Variants in CSMD2 observed in about 807,000 individuals in gnomAD.
The protein encoded by CSMD2 is CUB and sushi domain-containing protein 2.
In CSMD2, 130 loss-of-function variants were observed where a neutral mutation model predicts 398.5. That is an observed-to-expected ratio of 0.33 (90% CI 0.28 to 0.38). The LOEUF is 0.38. Ranked by LOEUF, CSMD2 falls within the 10% of genes least tolerant of loss-of-function variation. The pLI, the probability that CSMD2 is intolerant of heterozygous loss-of-function variation, is 1.00. For missense variants in CSMD2, 3,829 were observed against 4,764.9 expected, an observed-to-expected ratio of 0.80 and a Z score of 5.78; for synonymous variants, 1,828 against 1,908.5, an observed-to-expected ratio of 0.96 and a Z score of 1.10.
At position 34,004,908 on chromosome 1, in the gene CSMD2, T is replaced by C. The variant is rs558039228; in HGVS notation, c.517+27686A>G. Among the ~76,000 whole-genome samples the C allele has an allele frequency of 8.7e-4, 132 of 152,296 alleles. 1 individual carries two copies. Among genetic ancestry groups the C allele is most frequent in the African/African-American group, 3.0e-3 (123 of 41,552 alleles). ...CTTGCCAATCCTCACTCGCTCTCCT[T>C]CTTCCTCAGCAATTACCTCTTCTCA... On this transcript the variant is annotated intron_variant, in intron 3 of 70. Transcript: ENST00000373381.
intron 6 of CSMD2, among the ~76,000 whole-genome samples, chr1:33,830,063 C>T (rs933863185): frequency 9.9e-5 from 15 of 152,208 alleles, no homozygotes; most frequent in Admixed American, 4.6e-4. Context: ...CCTCTGTAGG[C>T]TCCACCTCTG....
intron 1 of CSMD2, among the ~76,000 whole-genome samples, chr1:34,110,449 C>T (rs1660961966): frequency 6.6e-6 from 1 of 151,998 alleles, no homozygotes; most frequent in South Asian, 2.1e-4. Context: ...ACCTAAATGT[C>T]CATCGATAGT....
chr1:34,104,359 T>G (rs778810130), intron 1 of CSMD2, among the ~76,000 whole-genome samples: 5 of 152,226 alleles, frequency 3.3e-5, no homozygotes, highest in Admixed American at 6.5e-5. Flanking sequence ...CTACAAATAA[T>G]GATAATTTTA....
intron 6 of CSMD2, among the ~76,000 whole-genome samples, chr1:33,833,224 T>A (rs2125042632): frequency 9.0e-6 from 1 of 110,536 alleles, no homozygotes; most frequent in East Asian, 2.9e-4. Context: ...ACCAATATCC[T>A]TGATGAACAT....
chr1:33,858,570 C>A (rs1010075821), intron 5 of CSMD2, among the ~76,000 whole-genome samples: 5 of 152,316 alleles, frequency 3.3e-5, no homozygotes, highest in South Asian at 2.1e-4. Flanking sequence ...AAAGTATGAT[C>A]ATCATTTTTA....
intron 56 of CSMD2, among the ~76,000 whole-genome samples, chr1:33,549,543 G>A (rs1657231005): frequency 6.6e-6 from 1 of 152,260 alleles, no homozygotes; most frequent in South Asian, 2.1e-4. Context: ...ACCTTTGGCA[G>A]TTCTCTACAT....
intron 12 of CSMD2, among the ~76,000 whole-genome samples, chr1:33,787,352 G>A (rs1425667358): frequency 6.6e-6 from 1 of 152,204 alleles, no homozygotes; most frequent in African/African-American, 2.4e-5. Context: ...CCTGGAGCAG[G>A]AGGAACCTAT....
At chr1:33,634,655 C>T (rs1642687174) in intron 31 of CSMD2, among the ~76,000 whole-genome samples, 1 of 152,144 alleles carries the variant, frequency 6.6e-6, no homozygotes, top group African/African-American at 2.4e-5. Context: ...TTTTTCTGCC[C>T]ACATCTCTTG....
chr1:33,519,354 T>TA lies in CSMD2; in HGVS notation c.*53+110dup. The TA allele has an allele frequency of 1.5e-6, 1 of 645,632 alleles. No homozygotes were observed. The allele number at this position is 645,632 out of a possible 1,614,324, so 40.0% of individuals were successfully genotyped here. Reference sequence around the variant, plus strand: ...GATGCTCAATGCACAGCTCTCCTCTTACTGGGTGTGTCTATGTGGTGTGTG... The same window carrying TA: ...GATGCTCAATGCACAGCTCTCCTCTTAACTGGGTGTGTCTATGTGGTGTGTG... On this transcript the variant is annotated intron_variant, in intron 70 of 70. Transcript: ENST00000373381. The surrounding 1 kb of genome is among the most constrained non-coding windows in gnomAD (Gnocchi z 5.6).
At chr1:34,008,296 G>A (rs1322475200) in intron 3 of CSMD2, among the ~76,000 whole-genome samples, 1 of 152,168 alleles carries the variant, frequency 6.6e-6, no homozygotes, top group Non-Finnish European at 1.5e-5. Flanking sequence ...AAGAAATGAA[G>A]GTCCTGAAAG....
intron 29 of CSMD2, among the ~76,000 whole-genome samples, chr1:33,639,530 C>T (rs1642992961): frequency 6.6e-6 from 1 of 152,152 alleles, no homozygotes; most frequent in Non-Finnish European, 1.5e-5. Flanking sequence ...TATTTCTTTC[C>T]AGTAGGTTCT....
chr1:33,519,687 A>G lies in CSMD2; in HGVS notation c.10737-10T>C. ...AACTTTGGGTCTTCTCCTGGCGATA[A>G]AAGAGGAAGTGCCCACGGCATGAAA... On this transcript the variant is annotated splice_polypyrimidine_tract_variant and intron_variant, in intron 69 of 70. Transcript: ENST00000373381. This position sits in a 1 kb window ranked among gnomAD's most constrained non-coding sequence, Gnocchi z 5.6. The G allele has an allele frequency of 6.2e-7, 1 of 1,613,710 alleles. No homozygotes were observed. Among genetic ancestry groups the G allele is most frequent in the Non-Finnish European group, 8.5e-7 (1 of 1,179,930 alleles).
At chr1:33,919,161 T>C (rs1199376155) in intron 4 of CSMD2, among the ~76,000 whole-genome samples, 1 of 152,126 alleles carries the variant, frequency 6.6e-6, no homozygotes, top group African/African-American at 2.4e-5. Flanking sequence ...AGAGGACTTA[T>C]TTGAGAGATA....
At chr1:34,062,685 C>A (rs1405815088) in intron 2 of CSMD2, among the ~76,000 whole-genome samples, 1 of 152,218 alleles carries the variant, frequency 6.6e-6, no homozygotes, top group Non-Finnish European at 1.5e-5. Context: ...CTGAACCTGG[C>A]TCTTCTTTGG....
At position 33,935,320 on chromosome 1, in the gene CSMD2, A is replaced by G. The variant is rs78147962; in HGVS notation, c.712+440T>C. ...GATTTTGAGCATATTTGGAGGCTGA[A>G]AGGAAGAAACTATTAGATAGGGAGA... On this transcript the variant is annotated intron_variant, in intron 4 of 70. Transcript: ENST00000373381. Among the ~76,000 whole-genome samples, 192 of 152,252 alleles carry G rather than the reference A, an allele frequency of 1.3e-3. 3 individuals are homozygous for G. Among genetic ancestry groups the G allele is most frequent in the African/African-American group, 4.0e-3 (168 of 41,538 alleles).
chr1:34,119,391 A>C (rs1202925397), intron 1 of CSMD2, among the ~76,000 whole-genome samples: 2 of 152,258 alleles, frequency 1.3e-5, no homozygotes, highest in East Asian at 1.9e-4. Flanking sequence ...CAACACAAGC[A>C]CAGGCAACAA....
chr1:34,129,012 CA>C (rs369864613), intron 1 of CSMD2, among the ~76,000 whole-genome samples: 2,001 of 36,812 alleles, frequency 0.054, 39 homozygotes, highest in African/African-American at 0.093. Context: ...TACCCCCCCC[CA>C]CACACACACA....
At chr1:33,758,449 G>A (rs1649344614) in intron 13 of CSMD2, among the ~76,000 whole-genome samples, 1 of 152,134 alleles carries the variant, frequency 6.6e-6, no homozygotes, top group Non-Finnish European at 1.5e-5. Flanking sequence ...TGTTGGCTTT[G>A]TTTATATAAT....
chr1:33,740,815 A>G lies in CSMD2; in HGVS notation c.2174-1481T>C, dbSNP rs1488623882. Reference sequence around the variant, plus strand: ...CAGATACATACACCCACATATGAACACACACATACACGCGCGCGCGTGCAT... The same window carrying G: ...CAGATACATACACCCACATATGAACGCACACATACACGCGCGCGCGTGCAT... On this transcript the variant is annotated intron_variant, in intron 14 of 70. Coordinates refer to ENST00000373381, the MANE Select transcript of CSMD2 (RefSeq NM_001281956.2). Among the ~76,000 whole-genome samples, 3 of 152,294 alleles carry G rather than the reference A, an allele frequency of 2.0e-5. No homozygotes were observed. In the East Asian group the frequency reaches 5.8e-4, roughly 29 times the overall value.
Sources: allele counts gnomAD v4.1 joint callset (sites outside exome capture counted in the v4.1 genomes callset), GRCh38; gene constraint gnomAD v4.1.1; non-coding constraint Gnocchi (gnomAD v3.1); transcripts MANE v1.5; gene names NCBI Gene and HGNC (gene_info 2026-07-23, HGNC 2026-07-21).